Variants in ROS1 observed in about 807,000 individuals in gnomAD.
ROS1 encodes ROS proto-oncogene 1, receptor tyrosine kinase.
Under a neutral mutation model 273.5 loss-of-function variants are expected in ROS1, and 263 were observed. The ratio of observed to expected loss-of-function variants is 0.96; its 90% CI spans 0.87 to 1.06. The LOEUF is 1.06. ROS1 is among the 50% of genes least tolerant of loss of function. The pLI is 0.00. For missense variants in ROS1, 2,833 were observed against 2,751.1 expected (o/e 1.03, Z -0.67); for synonymous variants, 1,008 against 954.1 (o/e 1.06, Z -1.04).
intron 43 of ROS1, among the ~76,000 whole-genome samples, chr6:117,295,147 A>T (rs894171813): frequency 3.3e-5 from 5 of 152,130 alleles, no homozygotes; most frequent in Non-Finnish European, 7.4e-5. Flanking sequence ...TGGAATACAT[A>T]AAAAAGAACA....
At chr6:117,349,082 A>T (rs1359821962) in intron 27 of ROS1, among the ~76,000 whole-genome samples, 1 of 151,976 alleles carries the variant, frequency 6.6e-6, no homozygotes, top group African/African-American at 2.4e-5. Context: ...ATAGATGTCC[A>T]TTACAGCCAA....
Position 117,354,187 on chromosome 6 carries a change from C to CA in ROS1, c.4127-1022dup, listed in dbSNP as rs889186137. 1.1e-4 allele frequency among the ~76,000 whole-genome samples: 16 copies of CA among 151,650 alleles called. No individual in the cohort carries two copies. In the South Asian group the frequency reaches 1.2e-3, roughly 12 times the overall value. On this transcript the variant is annotated intron_variant, in intron 26 of 43. Coordinates refer to ENST00000368507, the MANE Select transcript of ROS1 (RefSeq NM_001378902.1). The stretch of plus-strand genomic sequence containing the variant: ...GCAGCATAGCAATACCCTGTCTCTA[C>CA]AAAAAAAATACTAAAATTAGTGAGG...
intron 25 of ROS1, 25 bp downstream of exon 25, chr6:117,357,779 T>TA (rs762742988): frequency 3.5e-6 from 5 of 1,446,162 alleles, no homozygotes; most frequent in African/African-American, 1.4e-5. Flanking sequence ...CATCACAATA[T>TA]AAAAAAATAC....
At position 117,341,396 on chromosome 6, in the gene ROS1, G is replaced by A; in HGVS notation, c.4884+4C>T. ...ATAAAGAGTGCCTAGTAAACTCACT[G>A]TACCTTTAACACATAAATATTTCCA... On this transcript the variant is annotated splice_donor_region_variant and intron_variant, in intron 30 of 43. Transcript: ENST00000368507. 1 of 1,612,234 alleles carries A rather than the reference G, an allele frequency of 6.2e-7. No individual in the cohort carries two copies. Among genetic ancestry groups the A allele is most frequent in the Non-Finnish European group, 8.5e-7 (1 of 1,178,370 alleles).
chr6:117,404,492 C>A, intron 5 of ROS1, 64 bp from the exon 6 acceptor site: 1 of 1,449,414 alleles, frequency 6.9e-7, no homozygotes. Context: ...AGAGTGTGTG[C>A]CTCTCTCATC....
At chr6:117,404,552 C>A in intron 5 of ROS1, 124 bp from the exon 6 acceptor site, 1 of 779,898 alleles carries the variant, frequency 1.3e-6, no homozygotes, top group South Asian at 2.1e-5. Flanking sequence ...CACAATAACT[C>A]ACTTGAATAA....
At chr6:117,400,898 A>C (rs1243654488) in intron 7 of ROS1, among the ~76,000 whole-genome samples, 1 of 152,138 alleles carries the variant, frequency 6.6e-6, no homozygotes, top group Non-Finnish European at 1.5e-5. Context: ...TCAGTTCCAA[A>C]TCCTTCCATT....
intron 1 of ROS1, among the ~76,000 whole-genome samples, chr6:117,421,430 T>G (rs115789447): frequency 0.03 from 4,493 of 151,870 alleles, 211 homozygotes; most frequent in African/African-American, 0.1. Context: ...CCCTTCTGAG[T>G]CTCCAAAGTC....
At chr6:117,326,093 A>ATATATATATATATATT (rs1776615972) in intron 34 of ROS1, 131 bp downstream of exon 34, 1 of 13,750 alleles carries the variant, frequency 7.3e-5, no homozygotes, top group African/African-American at 2.5e-4. Context: ...TAATAAGATT[A>ATATATATATATATATT]TATATATATA....
chr6:117,315,793 C>G (rs1049266505), intron 39 of ROS1, among the ~76,000 whole-genome samples: 2 of 152,106 alleles, frequency 1.3e-5, no homozygotes, highest in African/African-American at 2.4e-5. Context: ...AACCCTAGAA[C>G]AGCAGCTGTG....
intron 17 of ROS1, among the ~76,000 whole-genome samples, chr6:117,380,703 G>A (rs1262278944): frequency 6.6e-6 from 1 of 151,992 alleles, no homozygotes; most frequent in Non-Finnish European, 1.5e-5. Flanking sequence ...CTCCACAGCA[G>A]TCAGCAGCTT....
At chr6:117,309,977 C>G in intron 41 of ROS1, 104 bp downstream of exon 41, 1 of 997,616 alleles carries the variant, frequency 1.0e-6, no homozygotes, top group Non-Finnish European at 1.5e-6. Context: ...TCTCTCTGGT[C>G]TTCTGTTTTC....
chr6:117,321,218 C>T, intron 36 of ROS1, 41 bp downstream of exon 36: 3 of 1,600,654 alleles, frequency 1.9e-6, no homozygotes, highest in Non-Finnish European at 2.6e-6. Flanking sequence ...GTTGCCCACC[C>T]TTTGCCTAGG....
In ROS1 at chr6:117,404,389, A is replaced by G. The variant is rs751815622; in HGVS notation, c.356T>C (p.Ile119Thr). 4.3e-6 allele frequency: 7 copies of G among 1,613,792 alleles called. No homozygotes were observed. The African/African-American group carries it at 5.3e-5, about 12-fold the overall frequency. The change falls in exon 6 of 44, where the codon ATT (isoleucine) becomes ACT (threonine). Residue 119 changes from isoleucine to threonine, a missense_variant. Physicochemically the swap from Ile to Thr is moderately conservative, Grantham distance 89. Transcript: ENST00000368507. Reference protein sequence around the residue: ...DLPTAPFASSIGSHNMTLRWK... With the variant: ...DLPTAPFASSTGSHNMTLRWK... ...TCGTAATGTCATATTGTGGCTTCCAATGGAAGAAGCAAAGGGAGCAGTTGG... is the reference window on the plus strand; with the variant it reads ...TCGTAATGTCATATTGTGGCTTCCAGTGGAAGAAGCAAAGGGAGCAGTTGG...
chr6:117,392,923 T>C (rs1425528504), intron 12 of ROS1, among the ~76,000 whole-genome samples: 1 of 152,162 alleles, frequency 6.6e-6, no homozygotes, highest in Non-Finnish European at 1.5e-5. Flanking sequence ...GATAAAGAAG[T>C]GGCAAATCCA....
intron 5 of ROS1, among the ~76,000 whole-genome samples, chr6:117,409,160 C>G (rs1320296046): frequency 6.6e-6 from 1 of 151,858 alleles, no homozygotes; most frequent in East Asian, 1.9e-4. Flanking sequence ...CACATGTATA[C>G]ATATGTAACA....
At chr6:117,419,167 C>T (rs1386097115) in intron 1 of ROS1, among the ~76,000 whole-genome samples, 1 of 152,164 alleles carries the variant, frequency 6.6e-6, no homozygotes, top group Admixed American at 6.6e-5. Flanking sequence ...TATCACTGAG[C>T]TCACTGAGCA....
chr6:117,334,629 G>T (rs1452198978), intron 32 of ROS1, among the ~76,000 whole-genome samples: 1 of 152,030 alleles, frequency 6.6e-6, no homozygotes, highest in African/African-American at 2.4e-5. Flanking sequence ...GCATGGTACT[G>T]GTACCAAAAC....
intron 42 of ROS1, 27 bp downstream of exon 42, chr6:117,308,761 TGGGGGA>T: frequency 6.2e-7 from 1 of 1,601,212 alleles, no homozygotes. Context: ...TGTTTTTGTT[TGGGGGA>T]TACATATGTT....
Sources: gnomAD v4.1 joint callset for allele counts (sites outside exome capture counted in the v4.1 genomes callset) on GRCh38, gnomAD v4.1.1 for gene constraint, MANE v1.5 for transcripts, NCBI Gene and HGNC (gene_info 2026-07-23, HGNC 2026-07-21) for gene names.